The following FAT1 variants were observed in gnomAD, a reference collection of about 807,000 sequenced individuals.
FAT1 encodes FAT atypical cadherin 1.
In FAT1, 171 loss-of-function variants were observed where a neutral mutation model predicts 329.8. The ratio of observed to expected loss-of-function variants is 0.52; its 90% CI spans 0.46 to 0.59. FAT1 has a LOEUF of 0.59. FAT1 is among the 20% of genes least tolerant of loss of function. The probability of loss-of-function intolerance (pLI) is 0.00; values close to 1 mark genes in which losing one functional copy is unlikely to be tolerated. For synonymous variants in FAT1, 2,233 were observed against 2,228.6 expected, an observed-to-expected ratio of 1.00 and a Z score of -0.06; for missense variants, 5,672 against 5,774.4, an observed-to-expected ratio of 0.98 and a Z score of 0.57.
At position 186,708,927 on chromosome 4, in the gene FAT1, G is replaced by A. The variant is rs2126700147; in HGVS notation, c.901C>T (p.Gln301Ter). ...AAGGACCTCACTGTTCTAAACTGCT[G>A]GAGAAGGTCACCTGCCACGATGCTT... is the stretch of plus-strand genomic sequence containing the variant. ...SLSIVAGDLL[Q>*]QFRTVRSFPG... The change falls in exon 2 of 27, where the codon CAG (glutamine) becomes TAG (stop). Residue 301 changes from glutamine to a stop codon, truncating the protein, a stop_gained. Transcript: ENST00000441802. LOFTEE classifies it high-confidence loss of function. 1 of 1,613,970 alleles carries A rather than the reference G, an allele frequency of 6.2e-7. No homozygotes were observed. The highest frequency in any genetic ancestry group is 8.5e-7 in the Non-Finnish European group (1 of 1,179,876).
chr4:186,621,510 A>G lies in FAT1; in HGVS notation c.5076T>C (p.His1692=), dbSNP rs1440315222. The G allele has an allele frequency of 6.2e-7, 1 of 1,614,008 alleles. No individual in the cohort carries two copies. The highest frequency in any genetic ancestry group is 1.7e-5 in the Admixed American group (1 of 60,026). The stretch of plus-strand genomic sequence containing the variant: ...TTTCATACACCACTGATGATTGACT[A>G]TGGGCTGTAACCATCCCAACGAAAC... The part of the protein sequence containing the change: ...IGSFVGMVTA[H]SQSSVVYEIK... Residue 1692 remains histidine (H), a synonymous_variant, in exon 10 of 27, where the codon CAT becomes CAC. Coordinates refer to ENST00000441802, the MANE Select transcript of FAT1 (RefSeq NM_005245.4).
intron 3 of FAT1, among the ~76,000 whole-genome samples, chr4:186,647,647 C>T (rs371045478): frequency 6.6e-6 from 1 of 152,182 alleles, no homozygotes; most frequent in Non-Finnish European, 1.5e-5. Context: ...TAGCATTATT[C>T]TGACAAACCC....
At chr4:186,690,876 CAT>C (rs1743726918) in intron 2 of FAT1, among the ~76,000 whole-genome samples, 1 of 152,130 alleles carries the variant, frequency 6.6e-6, no homozygotes, top group Non-Finnish European at 1.5e-5. Context: ...TTAAAGGTCT[CAT>C]TAATACTTAC....
At chr4:186,627,062 A>G (rs1740345301) in intron 9 of FAT1, among the ~76,000 whole-genome samples, 1 of 112,682 alleles carries the variant, frequency 8.9e-6, no homozygotes, top group African/African-American at 4.3e-5. Context: ...CTGACACATA[A>G]AGTGAGCTTC....
intron 1 of FAT1, among the ~76,000 whole-genome samples, chr4:186,713,571 T>C (rs1340785445): frequency 6.6e-6 from 1 of 152,202 alleles, no homozygotes; most frequent in Non-Finnish European, 1.5e-5. Flanking sequence ...ATGTAGCCCA[T>C]TCTTAAGAGA....
intron 3 of FAT1, among the ~76,000 whole-genome samples, chr4:186,662,340 C>T (rs1053985483): frequency 5.9e-5 from 9 of 152,118 alleles, no homozygotes; most frequent in Non-Finnish European, 1.0e-4. Flanking sequence ...GGAGGGTGAA[C>T]GCAGTCACCA....
chr4:186,664,625 G>C (rs1742343602), intron 2 of FAT1, among the ~76,000 whole-genome samples: 1 of 152,166 alleles, frequency 6.6e-6, no homozygotes, highest in African/African-American at 2.4e-5. Context: ...TTCAAGCCAG[G>C]ATTTACCTCC....
rs758505282 is a variant in FAT1 at position 186,589,033 on chromosome 4, G to C, written c.13326C>G (p.Phe4442Leu). ...ACGGTGGTAGCTCATCAGCTGCGGGGAAGTCTTCTGGGGGTGGAGGAAAAT... is the reference window on the plus strand; with the variant it reads ...ACGGTGGTAGCTCATCAGCTGCGGGCAAGTCTTCTGGGGGTGGAGGAAAAT... Reference protein sequence around the residue: ...ESDFPPPPEDFPAADELPPLP... With the variant: ...ESDFPPPPEDLPAADELPPLP... The change falls in exon 27 of 27, where the codon TTC becomes TTG. Residue 4442 changes from phenylalanine to leucine, a missense_variant. Transcript: ENST00000441802. The C allele has an allele frequency of 1.2e-6, 2 of 1,613,904 alleles. No homozygotes were observed. The highest frequency in any genetic ancestry group is 2.2e-5 in the East Asian group (1 of 44,862).
intron 2 of FAT1, among the ~76,000 whole-genome samples, chr4:186,684,561 A>ACATTT (rs1743376240): frequency 6.6e-6 from 1 of 152,134 alleles, no homozygotes; most frequent in South Asian, 2.1e-4. Context: ...AACAGCTACC[A>ACATTT]CATTTCTTTA....
Position 186,621,267 on chromosome 4 carries a change from G to A in FAT1, c.5319C>T (p.Leu1773=), listed in dbSNP as rs376380556. Reference sequence around the variant, plus strand: ...TGTTAATTGAGGCTGATTCACTAATGAGTCCTGTATATTCTGCCTGCATAA... The same window carrying A: ...TGTTAATTGAGGCTGATTCACTAATAAGTCCTGTATATTCTGCCTGCATAA... The part of the protein sequence containing the change: ...PVFMQAEYTG[L]ISESASINSV... The change falls in exon 10 of 27, where the codon CTC becomes CTT. Residue 1773 remains leucine, a synonymous_variant. Coordinates refer to ENST00000441802, the MANE Select transcript of FAT1 (RefSeq NM_005245.4). The A allele has an allele frequency of 6.8e-6, 11 of 1,613,942 alleles. No homozygotes were observed. Among genetic ancestry groups the A allele is most frequent in the Non-Finnish European group, 9.3e-6 (11 of 1,179,904 alleles).
intron 1 of FAT1, among the ~76,000 whole-genome samples, chr4:186,710,313 T>C (rs1002545128): frequency 5.9e-5 from 9 of 152,138 alleles, no homozygotes; most frequent in African/African-American, 2.2e-4. Flanking sequence ...TGACAACTAA[T>C]TCAGAAAAAA....
intron 2 of FAT1, among the ~76,000 whole-genome samples, chr4:186,669,531 T>C (rs76724978): frequency 0.038 from 5,731 of 152,244 alleles, 116 homozygotes; most frequent in Middle Eastern, 0.065. Context: ...AGTGAAGTTG[T>C]TAATAACCTG....
chr4:186,659,929 C>T (rs1197202372), intron 3 of FAT1, among the ~76,000 whole-genome samples: 1 of 151,422 alleles, frequency 6.6e-6, no homozygotes, highest in Non-Finnish European at 1.5e-5. Flanking sequence ...GGCACCTGTC[C>T]CCTGAACGAC....
At chr4:186,670,125 T>G (rs781630444) in intron 2 of FAT1, among the ~76,000 whole-genome samples, 3 of 152,184 alleles carry the variant, frequency 2.0e-5, no homozygotes, top group African/African-American at 4.8e-5. Flanking sequence ...TTTTAACAGG[T>G]CTTGGCCCCC....
At chr4:186,673,761 G>C (rs1742833265) in intron 2 of FAT1, among the ~76,000 whole-genome samples, 1 of 152,166 alleles carries the variant, frequency 6.6e-6, no homozygotes, top group South Asian at 2.1e-4. Flanking sequence ...TTCAAGCCCA[G>C]GGATTTCTTT....
chr4:186,622,508 A>G (rs1740093776), intron 9 of FAT1, among the ~76,000 whole-genome samples: 2 of 152,164 alleles, frequency 1.3e-5, no homozygotes, highest in African/African-American at 2.4e-5. Flanking sequence ...AACGCACAGG[A>G]CAGCCCTACA....
chr4:186,667,347 T>C (rs1458390621), intron 2 of FAT1, among the ~76,000 whole-genome samples: 1 of 152,188 alleles, frequency 6.6e-6, no homozygotes, highest in African/African-American at 2.4e-5. Flanking sequence ...TCTACGGATA[T>C]TACTAAAGGT....
At chr4:186,725,273 C>A (rs571648440), upstream of FAT1, among the ~76,000 whole-genome samples, 35 of 152,216 alleles carry the variant, frequency 2.3e-4, no homozygotes, top group Non-Finnish European at 4.1e-4. This position sits in a 1 kb window ranked among gnomAD's most constrained non-coding sequence, Gnocchi z 5.4. Flanking sequence ...TTGTAAATCT[C>A]AGCAAAACCC....
chr4:186,624,257 TA>T (rs112564635), intron 9 of FAT1, among the ~76,000 whole-genome samples: 30,710 of 151,950 alleles, frequency 0.2, 4,432 homozygotes, highest in African/African-American at 0.42. Flanking sequence ...ACAGGGCAAT[TA>T]TCTAGACAAA....
Sources: gnomAD v4.1 joint callset for allele counts (sites outside exome capture counted in the v4.1 genomes callset) on GRCh38, gnomAD v4.1.1 for gene constraint, Gnocchi (gnomAD v3.1) non-coding constraint, MANE v1.5 for transcripts, NCBI Gene and HGNC (gene_info 2026-07-23, HGNC 2026-07-21) for gene names.